The following PCCA variants were observed in gnomAD, a reference collection of about 807,000 sequenced individuals.
The protein encoded by PCCA is propionyl-CoA carboxylase alpha chain, mitochondrial.
In PCCA, 74 loss-of-function variants were observed where a neutral mutation model predicts 101.3. The ratio of observed to expected loss-of-function variants is 0.73; its 90% confidence interval spans 0.61 to 0.89. PCCA has a LOEUF of 0.89. Among genes scored for constraint, PCCA ranks in the 40% least tolerant of loss-of-function variants. The pLI is 0.00. For synonymous variants in PCCA, 294 were observed against 313.6 expected (o/e 0.94, Z 0.66); for missense variants, 891 against 907.0 (o/e 0.98, Z 0.23).
chr13:100,451,395 A>G (rs1457753047), intron 21 of PCCA, among the ~76,000 whole-genome samples: 4 of 152,196 alleles, frequency 2.6e-5, no homozygotes, highest in African/African-American at 7.2e-5. Context: ...TTTTCATGCA[A>G]TAATAGATCT....
chr13:100,515,897 C>G (rs1437253561), intron 22 of PCCA, among the ~76,000 whole-genome samples: 1 of 152,170 alleles, frequency 6.6e-6, no homozygotes, highest in Admixed American at 6.5e-5. Flanking sequence ...CTCAAAGCAT[C>G]CATTGAAGTC....
At chr13:100,338,805 C>T (rs2070889420) in intron 17 of PCCA, among the ~76,000 whole-genome samples, 1 of 150,830 alleles carries the variant, frequency 6.6e-6, no homozygotes, top group Non-Finnish European at 1.5e-5. Flanking sequence ...ATTACCTGTG[C>T]TCTCCCTGCC....
At chr13:100,461,589 A>G (rs1387808701) in intron 21 of PCCA, among the ~76,000 whole-genome samples, 1 of 152,188 alleles carries the variant, frequency 6.6e-6, no homozygotes, top group Admixed American at 6.5e-5. Context: ...CTCAACTGAC[A>G]TGTCTGACTT....
intron 21 of PCCA, among the ~76,000 whole-genome samples, chr13:100,453,181 C>G (rs1305963743): frequency 6.6e-6 from 1 of 151,850 alleles, no homozygotes; most frequent in Non-Finnish European, 1.5e-5. Context: ...GACCCTGTAC[C>G]CTGTCTCAAA....
At position 100,196,027 on chromosome 13, in the gene PCCA, T is replaced by C. The variant is rs2058085449; in HGVS notation, c.469-13305T>C. Among the ~76,000 whole-genome samples the C allele has an allele frequency of 2.0e-5, 3 of 152,182 alleles. No individual in the cohort carries two copies. The South Asian group carries it at 6.2e-4, about 31-fold the overall frequency. ...TGGAAAACACTAACATACTTTAATCTTAGTCTTCTAGGAATAGAAAGAACA... is the reference window on the plus strand; with the variant it reads ...TGGAAAACACTAACATACTTTAATCCTAGTCTTCTAGGAATAGAAAGAACA... On this transcript the variant is annotated intron_variant, in intron 6 of 23. Coordinates refer to ENST00000376285, the MANE Select transcript of PCCA (RefSeq NM_000282.4).
At chr13:100,157,220 T>A (rs919624389) in intron 5 of PCCA, 67 bp from the exon 6 acceptor site, 2 of 1,069,368 alleles carry the variant, frequency 1.9e-6, no homozygotes, top group African/African-American at 3.1e-5. Context: ...AAATGCACTG[T>A]ACATTTTGCT....
Position 100,139,564 on chromosome 13 carries a change from A to G in PCCA, c.301-15415A>G, listed in dbSNP as rs1456788721. ...TTTGATTATTGCATATTTTAGTTTA[A>G]AATTTTCCATTGGTTTCTTTTTACA... On this transcript the variant is annotated intron_variant, in intron 4 of 23. Coordinates refer to ENST00000376285, the MANE Select transcript of PCCA (RefSeq NM_000282.4). Among the ~76,000 whole-genome samples, 3 of 151,574 alleles carry G rather than the reference A, an allele frequency of 2.0e-5. No individual in the cohort carries two copies. The East Asian group carries it at 5.8e-4, about 29-fold the overall frequency.
At chr13:100,310,639 G>GT (rs1321461098) in intron 16 of PCCA, among the ~76,000 whole-genome samples, 1 of 152,052 alleles carries the variant, frequency 6.6e-6, no homozygotes, top group Non-Finnish European at 1.5e-5. Context: ...GTACTCTTTT[G>GT]TATTTACATG....
chr13:100,137,384 C>G (rs2051309476), intron 4 of PCCA, among the ~76,000 whole-genome samples: 1 of 152,104 alleles, frequency 6.6e-6, no homozygotes, highest in Admixed American at 6.6e-5. Context: ...TGGTATTGTC[C>G]AGTTCCTCTA....
At chr13:100,233,170 T>C (rs184662160) in intron 7 of PCCA, among the ~76,000 whole-genome samples, 7 of 152,354 alleles carry the variant, frequency 4.6e-5, no homozygotes, top group Admixed American at 4.6e-4. Flanking sequence ...AAAGATAACG[T>C]GTCCTCAAAC....
chr13:100,488,035 G>GTATA, intron 21 of PCCA, among the ~76,000 whole-genome samples: 1 of 151,502 alleles, frequency 6.6e-6, no homozygotes, highest in Non-Finnish European at 1.5e-5. Flanking sequence ...AGCCATATAT[G>GTATA]TATATATATA....
At chr13:100,522,563 C>T (rs1303737815) in intron 22 of PCCA, among the ~76,000 whole-genome samples, 1 of 152,148 alleles carries the variant, frequency 6.6e-6, no homozygotes, top group East Asian at 1.9e-4. Context: ...GCCTCTATTT[C>T]AACGATAACA....
chr13:100,236,845 A>T (rs1032969486), intron 8 of PCCA: 5 of 152,234 alleles, frequency 3.3e-5, no homozygotes, highest in Non-Finnish European at 7.3e-5. Flanking sequence ...GTGTAAGGGC[A>T]TGCTATTATA....
At position 100,483,983 on chromosome 13, in the gene PCCA, T is replaced by C. The variant is rs144115843; in HGVS notation, c.1900-31444T>C. 6.2e-3 allele frequency among the ~76,000 whole-genome samples: 945 copies of C among 152,268 alleles called. 11 individuals are homozygous for C. Among genetic ancestry groups the C allele is most frequent in the African/African-American group, 0.021 (889 of 41,540 alleles). On this transcript the variant is annotated intron_variant, in intron 21 of 23. Transcript: ENST00000376285. ...ACAATCTGGGTTTCAGTTTCACAAA[T>C]AGAAAAACAAAACCTGAGAGGAAAA... is the stretch of plus-strand genomic sequence containing the variant.
intron 7 of PCCA, among the ~76,000 whole-genome samples, chr13:100,217,332 C>A (rs2059575732): frequency 6.6e-6 from 1 of 150,532 alleles, no homozygotes; most frequent in Admixed American, 6.6e-5. Flanking sequence ...GTAATCCCAG[C>A]CACTCGGGAG....
At chr13:100,429,180 C>T (rs1485124085) in intron 20 of PCCA, among the ~76,000 whole-genome samples, 1 of 152,050 alleles carries the variant, frequency 6.6e-6, no homozygotes, top group Non-Finnish European at 1.5e-5. Context: ...GATTTCTCTT[C>T]TGACCACTGT....
rs577334487 is a variant in PCCA at position 100,316,936 on chromosome 13, G to A, written c.1429+7028G>A. 2.0e-5 allele frequency among the ~76,000 whole-genome samples: 3 copies of A among 152,060 alleles called. No individual in the cohort carries two copies. The South Asian group carries it at 6.2e-4, about 32-fold the overall frequency. ...CTACAGGGGTGCGCCACCACACCTA[G>A]CTAATTTTTGTATTTTTAGTAGAGA... is the stretch of plus-strand genomic sequence containing the variant. On this transcript the variant is annotated intron_variant, in intron 16 of 23. Transcript: ENST00000376285.
intron 22 of PCCA, among the ~76,000 whole-genome samples, chr13:100,523,760 G>A (rs1218631059): frequency 2.0e-5 from 3 of 152,188 alleles, no homozygotes; most frequent in African/African-American, 4.8e-5. Flanking sequence ...GACAGGGAGC[G>A]GGGAGATACA....
intron 6 of PCCA, among the ~76,000 whole-genome samples, chr13:100,197,072 C>G (rs2058152035): frequency 6.6e-6 from 1 of 152,200 alleles, no homozygotes; most frequent in African/African-American, 2.4e-5. Context: ...TGCACAGACT[C>G]AGGACTTCCA....
Sources: allele counts gnomAD v4.1 joint callset (sites outside exome capture counted in the v4.1 genomes callset), GRCh38; gene constraint gnomAD v4.1.1; transcripts MANE v1.5; gene names NCBI Gene and HGNC (gene_info 2026-07-23, HGNC 2026-07-21).